Variants in PAM observed in about 807,000 individuals in gnomAD.
PAM encodes the protein peptidylglycine alpha-amidating monooxygenase.
Under a neutral mutation model 122.1 loss-of-function variants are expected in PAM, and 72 were observed. The observed-to-expected ratio is 0.59, with a 90% CI of 0.49 to 0.72. The LOEUF (loss-of-function observed/expected upper bound fraction) is 0.72. PAM is among the 30% of genes least tolerant of loss of function. PAM has a pLI of 0.00. For synonymous variants in PAM, 389 were observed against 404.4 expected (o/e 0.96, Z 0.46); for missense variants, 1,106 against 1,183.7 (o/e 0.93, Z 0.96).
At chr5:102,807,727 A>C (rs908220571) in intron 1 of PAM, among the ~76,000 whole-genome samples, 2 of 152,190 alleles carry the variant, frequency 1.3e-5, no homozygotes, top group Non-Finnish European at 2.9e-5. Flanking sequence ...GTTAAGGATA[A>C]GGATGTTTGT....
chr5:103,010,074 T>C (rs1303447894), intron 21 of PAM, among the ~76,000 whole-genome samples: 1 of 152,196 alleles, frequency 6.6e-6, no homozygotes, highest in African/African-American at 2.4e-5. Flanking sequence ...CTAGATCAAT[T>C]TCTTCAGATG....
At chr5:102,997,751 T>C (rs1312543543) in intron 16 of PAM, among the ~76,000 whole-genome samples, 1 of 152,246 alleles carries the variant, frequency 6.6e-6, no homozygotes, top group East Asian at 1.9e-4. Flanking sequence ...TGAATATAAA[T>C]GTCCATACAG....
intron 3 of PAM, among the ~76,000 whole-genome samples, chr5:102,876,657 G>A (rs1029729971): frequency 3.3e-5 from 5 of 152,192 alleles, no homozygotes; most frequent in African/African-American, 1.2e-4. Flanking sequence ...TTAGGGAGTA[G>A]GAAAAAGTAG....
Position 102,949,940 on chromosome 5 carries a change from T to G in PAM, c.763T>G (p.Trp255Gly). Residue 255 changes from tryptophan to glycine, a missense_variant, in exon 11 of 26, where the codon TGG becomes GGG. Coordinates refer to ENST00000438793, the MANE Select transcript of PAM (RefSeq NM_001177306.2). ...VSGYRVRNGQ[W>G]TLIGRQSPQL... ...TGGATACAGAGTAAGAAATGGACAG[T>G]GGACACTGATTGGACGGCAGAGCCC... 6.3e-7 allele frequency: 1 copy of G among 1,593,982 alleles called. No individual in the cohort carries two copies. The highest frequency in any genetic ancestry group is 8.6e-7 in the Non-Finnish European group (1 of 1,162,486).
At chr5:102,935,631 C>T (rs1313990022) in intron 7 of PAM, among the ~76,000 whole-genome samples, 1 of 152,038 alleles carries the variant, frequency 6.6e-6, no homozygotes, top group Non-Finnish European at 1.5e-5. Flanking sequence ...GTTTACAATC[C>T]CATATCCTTG....
intron 5 of PAM, among the ~76,000 whole-genome samples, chr5:102,919,788 T>G (rs1414430779): frequency 6.6e-6 from 1 of 152,122 alleles, no homozygotes; most frequent in African/African-American, 2.4e-5. Flanking sequence ...TGGTCTCTGA[T>G]TCTAACTTCC....
intron 8 of PAM, among the ~76,000 whole-genome samples, chr5:102,947,530 A>AGGAT (rs1757437862): frequency 6.6e-6 from 1 of 152,140 alleles, no homozygotes; most frequent in Non-Finnish European, 1.5e-5. Flanking sequence ...CCCAGGGTAA[A>AGGAT]GGATGGGAAG....
chr5:102,788,169 T>A (rs942037734), intron 1 of PAM, among the ~76,000 whole-genome samples: 11 of 152,060 alleles, frequency 7.2e-5, no homozygotes, highest in Admixed American at 6.6e-5. Flanking sequence ...CTGAAGTAAT[T>A]TTCTTTTATA....
At chr5:102,871,148 A>G (rs972661792) in intron 3 of PAM, among the ~76,000 whole-genome samples, 1 of 152,158 alleles carries the variant, frequency 6.6e-6, no homozygotes, top group Admixed American at 6.5e-5. Flanking sequence ...TTGCAGTCTC[A>G]ACTCAAATTT....
At chr5:102,879,812 G>A (rs7712423) in intron 3 of PAM, among the ~76,000 whole-genome samples, 13,685 of 152,168 alleles carry the variant, frequency 0.09, 1,520 homozygotes, top group African/African-American at 0.25. Flanking sequence ...AATTGCTTCC[G>A]ATATTTAGTG....
chr5:102,790,835 A>G (rs1386850588), intron 1 of PAM, among the ~76,000 whole-genome samples: 2 of 152,082 alleles, frequency 1.3e-5, no homozygotes, highest in Non-Finnish European at 2.9e-5. Flanking sequence ...GTCAAATGCA[A>G]AAAAACATAA....
intron 1 of PAM, among the ~76,000 whole-genome samples, chr5:102,813,361 GTACAGAGTTTTATTTCCAGGGGGAAT>G (rs1768552374): frequency 6.6e-6 from 1 of 152,252 alleles, no homozygotes; most frequent in South Asian, 2.1e-4. Flanking sequence ...TTGAAAACCA[GTACAGAGTTTTATTTCCAGGGGGAAT>G]TTTTCCCAAT....
intron 17 of PAM, 73 bp from the exon 18 acceptor site, chr5:103,005,081 T>A: frequency 2.3e-6 from 1 of 441,058 alleles, no homozygotes; most frequent in South Asian, 2.0e-5. Flanking sequence ...CTTTACAGAT[T>A]AATTAGAAAA....
intron 18 of PAM, 123 bp from the exon 19 acceptor site, chr5:103,006,678 T>G (rs1334751252): frequency 1.5e-6 from 1 of 689,318 alleles, no homozygotes; most frequent in African/African-American, 1.8e-5. Context: ...TATTAATACC[T>G]TCTTTTAAAT....
At chr5:102,951,667 C>T (rs373209119) in intron 12 of PAM, among the ~76,000 whole-genome samples, 11 of 152,108 alleles carry the variant, frequency 7.2e-5, no homozygotes, top group Non-Finnish European at 1.0e-4. Context: ...GGAAAAGGTA[C>T]TAAGGCAGGT....
At chr5:102,905,108 G>C (rs943557321) in intron 4 of PAM, among the ~76,000 whole-genome samples, 1 of 151,368 alleles carries the variant, frequency 6.6e-6, no homozygotes, top group African/African-American at 2.4e-5. Flanking sequence ...TTTTTTTGTT[G>C]TTTTAATAAG....
intron 14 of PAM, among the ~76,000 whole-genome samples, chr5:102,967,965 G>A (rs1764629976): frequency 6.6e-6 from 1 of 151,982 alleles, no homozygotes; most frequent in Non-Finnish European, 1.5e-5. Context: ...TCAAGTGATA[G>A]GCCTGTCTTG....
At chr5:102,891,549 C>T (rs960877342) in intron 3 of PAM, among the ~76,000 whole-genome samples, 1 of 151,762 alleles carries the variant, frequency 6.6e-6, no homozygotes, top group African/African-American at 2.4e-5. Context: ...GACTCCATCA[C>T]TAAACATAAG....
chr5:102,965,950 G>A (rs943539979), intron 14 of PAM, among the ~76,000 whole-genome samples: 1 of 152,030 alleles, frequency 6.6e-6, no homozygotes, highest in African/African-American at 2.4e-5. Context: ...GTTGTAAACA[G>A]TTTATGGGAA....
Sources: gnomAD v4.1 joint callset for allele counts (sites outside exome capture counted in the v4.1 genomes callset) on GRCh38, gnomAD v4.1.1 for gene constraint, MANE v1.5 for transcripts, NCBI Gene and HGNC (gene_info 2026-07-23, HGNC 2026-07-21) for gene names.